Variants in TFG observed in about 807,000 individuals in gnomAD.
The protein encoded by TFG is trafficking from ER to golgi regulator.
Under a neutral mutation model 51.4 loss-of-function variants are expected in TFG, and 22 were observed. The ratio of observed to expected loss-of-function variants is 0.43; its 90% confidence interval spans 0.31 to 0.61. The LOEUF is 0.61. TFG is among the 20% of genes least tolerant of loss of function. The pLI is 0.12. For synonymous variants in TFG, 187 were observed against 165.6 expected (o/e 1.13, Z -0.99); for missense variants, 419 against 487.7 (o/e 0.86, Z 1.33).
intron 2 of TFG, among the ~76,000 whole-genome samples, chr3:100,718,523 AT>A (rs1361343392): frequency 7.6e-6 from 1 of 131,302 alleles, no homozygotes; most frequent in Non-Finnish European, 1.6e-5. Flanking sequence ...TGTCTTCCAC[AT>A]TTAGTTACAA....
intron 6 of TFG, chr3:100,743,704 G>C (rs1347982410): frequency 6.6e-6 from 1 of 152,084 alleles, no homozygotes; most frequent in Non-Finnish European, 1.5e-5. Context: ...GTATAGGGCT[G>C]AGCAGCTGGT....
intron 3 of TFG, 57 bp downstream of exon 3, chr3:100,720,115 T>A: frequency 8.6e-7 from 1 of 1,164,708 alleles, no homozygotes; most frequent in Admixed American, 2.6e-5. Context: ...TTTAAAGATG[T>A]TTGGCTTTTT....
chr3:100,729,834 T>C (rs977537883), intron 4 of TFG, among the ~76,000 whole-genome samples: 2 of 152,162 alleles, frequency 1.3e-5, no homozygotes, highest in Non-Finnish European at 2.9e-5. Context: ...TTCCATCATT[T>C]CTCTCTTCCT....
chr3:100,712,302 TGGG>T (rs1297482028), intron 1 of TFG, among the ~76,000 whole-genome samples: 1 of 152,200 alleles, frequency 6.6e-6, no homozygotes, highest in Non-Finnish European at 1.5e-5. Flanking sequence ...GTTGATATGT[TGGG>T]GGAGTAGGTG....
chr3:100,739,077 G>T (rs550694478), intron 6 of TFG, among the ~76,000 whole-genome samples: 2 of 151,970 alleles, frequency 1.3e-5, no homozygotes, highest in Non-Finnish European at 2.9e-5. Flanking sequence ...AAATATAGTC[G>T]TTATTTATAG....
chr3:100,748,555 T>G lies in TFG; in HGVS notation c.*24T>G. ...AAGGAGGCTCCTCTACACCAATTAA[T>G]GTAGCTGCTAGCTATTGGCCTCCCA... On this transcript the variant is annotated 3_prime_UTR_variant, in exon 8 of 8. Transcript: ENST00000240851. 2 of 1,577,040 alleles carry G rather than the reference T, an allele frequency of 1.3e-6. No homozygotes were observed. The highest frequency in any genetic ancestry group is 3.4e-4 in the Middle Eastern group (2 of 5,856).
intron 3 of TFG, among the ~76,000 whole-genome samples, chr3:100,728,365 TATTTAAG>T (rs776282551): frequency 5.3e-3 from 362 of 68,836 alleles, no homozygotes; most frequent in Middle Eastern, 0.03. Flanking sequence ...ATTTAATAAA[TATTTAAG>T]AACAGCATGA....
At chr3:100,735,909 G>C (rs1325095776) in intron 5 of TFG, among the ~76,000 whole-genome samples, 4 of 152,132 alleles carry the variant, frequency 2.6e-5, no homozygotes, top group African/African-American at 7.2e-5. Flanking sequence ...GTAGAAGTCA[G>C]TATGAGTTAA....
At chr3:100,741,489 C>G (rs1264270622) in intron 6 of TFG, among the ~76,000 whole-genome samples, 2 of 151,882 alleles carry the variant, frequency 1.3e-5, no homozygotes, top group Non-Finnish European at 2.9e-5. Flanking sequence ...GCACAATGTA[C>G]TTTAAGCTAA....
chr3:100,728,943 G>T, intron 4 of TFG, 85 bp downstream of exon 4: 1 of 1,213,230 alleles, frequency 8.2e-7, no homozygotes, highest in Non-Finnish European at 1.1e-6. Flanking sequence ...GTAGGAGAAG[G>T]ATGGCATCCC....
intron 5 of TFG, among the ~76,000 whole-genome samples, chr3:100,736,167 A>ATTAT (rs938632475): frequency 1.3e-5 from 2 of 152,136 alleles, no homozygotes; most frequent in African/African-American, 4.8e-5. Context: ...ATTGTGAGAA[A>ATTAT]TAATGTTTGG....
chr3:100,721,398 A>C (rs2095060358), intron 3 of TFG, among the ~76,000 whole-genome samples: 1 of 152,186 alleles, frequency 6.6e-6, no homozygotes, highest in Non-Finnish European at 1.5e-5. Flanking sequence ...TGGTGTCTAC[A>C]TGGTGTAGGC....
In TFG at chr3:100,748,296, A is replaced by G. The variant is rs778132572; in HGVS notation, c.968A>G (p.Asn323Ser). The G allele has an allele frequency of 5.6e-6, 9 of 1,614,056 alleles. No individual in the cohort carries two copies. In the Admixed American group the frequency reaches 1.0e-4, roughly 18 times the overall value. ...AQPPQQYQAS[N>S]YPAQTYTAQT... is the part of the protein sequence containing the mutation. Reference sequence around the variant, plus strand: ...CCGCCACAGCAGTACCAGGCGAGCAATTATCCTGCACAAACTTACACTGCC... The same window carrying G: ...CCGCCACAGCAGTACCAGGCGAGCAGTTATCCTGCACAAACTTACACTGCC... The change falls in exon 8 of 8, where the codon AAT becomes AGT. Residue 323 changes from asparagine to serine, a missense_variant. This residue lies in a region of TFG where 391 missense variants were observed against 434.4 expected (regional missense o/e 0.90). Coordinates refer to ENST00000240851, the MANE Select transcript of TFG (RefSeq NM_006070.6).
chr3:100,728,740 A>C lies in TFG; in HGVS notation c.297A>C (p.Ser99=). The C allele has an allele frequency of 1.9e-6, 3 of 1,610,196 alleles. No homozygotes were observed. Among genetic ancestry groups the C allele is most frequent in the Non-Finnish European group, 2.5e-6 (3 of 1,178,400 alleles). The change falls in exon 4 of 8, where the codon TCA becomes TCC. Residue 99 remains serine (S), a synonymous_variant. Transcript: ENST00000240851. ...FVNGQPRPLE[S]SQVKYLRREL... The stretch of plus-strand genomic sequence containing the variant: ...ATGGCCAGCCAAGACCCCTTGAATC[A>C]AGTCAGGTGAAATATCTCCGTCGAG...
chr3:100,719,264 C>T (rs1358300143), intron 2 of TFG, among the ~76,000 whole-genome samples: 1 of 152,126 alleles, frequency 6.6e-6, no homozygotes, highest in Non-Finnish European at 1.5e-5. Context: ...TGCAGAGGTC[C>T]CTGATGAACT....
chr3:100,720,484 GAC>G (rs1431072064), intron 3 of TFG, among the ~76,000 whole-genome samples: 2 of 152,230 alleles, frequency 1.3e-5, no homozygotes, highest in African/African-American at 4.8e-5. Flanking sequence ...TTTCGTGTAA[GAC>G]AGTTCTTCTA....
intron 3 of TFG, among the ~76,000 whole-genome samples, chr3:100,724,532 C>G (rs2095069559): frequency 6.6e-6 from 1 of 152,140 alleles, no homozygotes; most frequent in South Asian, 2.1e-4. Context: ...TACCAAATAT[C>G]TAAGGAACAG....
At chr3:100,720,129 T>G (rs1413650998) in intron 3 of TFG, 71 bp downstream of exon 3, 17 of 936,600 alleles carry the variant, frequency 1.8e-5, no homozygotes, top group African/African-American at 5.2e-5. Context: ...GCTTTTTTCC[T>G]TTTAAAGACT....
chr3:100,741,337 G>A (rs552774613), intron 6 of TFG, among the ~76,000 whole-genome samples: 1 of 152,222 alleles, frequency 6.6e-6, no homozygotes, highest in South Asian at 2.1e-4. Flanking sequence ...CAATGATCCT[G>A]ATGCTGTATA....
Sources: gnomAD v4.1 joint callset for allele counts (sites outside exome capture counted in the v4.1 genomes callset) on GRCh38, gnomAD v4.1.1 for gene constraint, gnomAD v4.1.1 regional missense constraint, MANE v1.5 for transcripts, NCBI Gene and HGNC (gene_info 2026-07-23, HGNC 2026-07-21) for gene names.